TRPM4: variants seen among roughly 807,000 people sequenced by gnomAD.
TRPM4 encodes transient receptor potential cation channel subfamily M member 4, also known as calcium-activated non-selective cation channel 1.
In TRPM4, 124 loss-of-function variants were observed where a neutral mutation model predicts 135.6. That is an observed-to-expected ratio of 0.91 (90% CI 0.79 to 1.06). The LOEUF (loss-of-function observed/expected upper bound fraction) is 1.06, where lower values mean the gene tolerates loss of function less well. Ranked by LOEUF, TRPM4 falls within the 50% of genes least tolerant of loss-of-function variation. The probability of loss-of-function intolerance (pLI) is 0.00; values close to 1 mark genes in which losing one functional copy is unlikely to be tolerated. For missense variants in TRPM4, 1,658 were observed against 1,671.4 expected (o/e 0.99, Z 0.14); for synonymous variants, 745 against 705.6 (o/e 1.06, Z -0.88).
Position 49,203,030 on chromosome 19 carries a change from A to G in TRPM4, c.3131+889A>G, listed in dbSNP as rs550274149. 1.5e-3 allele frequency among the ~76,000 whole-genome samples: 235 copies of G among 151,844 alleles called. 1 individual carries two copies. The highest frequency in any genetic ancestry group is 5.5e-3 in the African/African-American group (227 of 41,410). ...CTCAGCCTCCTGAGTAGCTGGGACT[A>G]CAGGTGCCCGCCACCACGCCCAGCT... On this transcript the variant is annotated intron_variant, in intron 20 of 24. Transcript: ENST00000252826.
At chr19:49,196,914 C>T (rs751670642) in intron 17 of TRPM4, 40 bp downstream of exon 17, 2 of 1,532,724 alleles carry the variant, frequency 1.3e-6, no homozygotes, top group Non-Finnish European at 8.7e-7. Context: ...CCCCTGGCCA[C>T]CTCTCATCCT....
At chr19:49,203,343 C>T (rs548306405) in intron 20 of TRPM4, among the ~76,000 whole-genome samples, 2 of 150,040 alleles carry the variant, frequency 1.3e-5, no homozygotes, top group East Asian at 2.0e-4. Flanking sequence ...CCACACCTGG[C>T]TAATTTTTTG....
intron 17 of TRPM4, among the ~76,000 whole-genome samples, 194 bp from the exon 18 acceptor site, chr19:49,200,106 T>A (rs1968855992): frequency 6.6e-6 from 1 of 152,198 alleles, no homozygotes; most frequent in Non-Finnish European, 1.5e-5. Flanking sequence ...GCAGCCATTT[T>A]AAAAATGGGT....
chr19:49,162,652 T>C (rs762933477), intron 2 of TRPM4, among the ~76,000 whole-genome samples: 1 of 151,742 alleles, frequency 6.6e-6, no homozygotes, highest in East Asian at 1.9e-4. Context: ...CTCCTAGCAC[T>C]GAATGTCAGA....
At chr19:49,200,514 G>A in intron 18 of TRPM4, 82 bp downstream of exon 18, 2 of 1,594,674 alleles carry the variant, frequency 1.3e-6, no homozygotes, top group South Asian at 1.1e-5. Context: ...TGGAGAAGGG[G>A]CGTGACTTTG....
chr19:49,188,851 C>T, intron 13 of TRPM4, 81 bp downstream of exon 13: 1 of 1,612,666 alleles, frequency 6.2e-7, no homozygotes, highest in Non-Finnish European at 8.5e-7. Context: ...CCTCACATAT[C>T]CCTGCGCCAT....
rs1967320705 is a variant in TRPM4 at position 49,168,487 on chromosome 19, A to C, written c.612+64A>C. 9 of 1,613,416 alleles carry C rather than the reference A, an allele frequency of 5.6e-6. No individual in the cohort carries two copies. In the South Asian group the frequency reaches 9.9e-5, roughly 18 times the overall value. On this transcript the variant is annotated intron_variant, in intron 5 of 24. Coordinates refer to ENST00000252826, the MANE Select transcript of TRPM4 (RefSeq NM_017636.4). ...GGACTCCTGGGTCTGAGGGAGGAGG[A>C]GGGGCTCGTGTTTGTCCTTCTGGCC...
At chr19:49,181,496 A>C (rs756406714) in intron 10 of TRPM4, 35 bp downstream of exon 10, 18 of 1,410,664 alleles carry the variant, frequency 1.3e-5, no homozygotes, top group Non-Finnish European at 1.8e-5. Context: ...GGGCATACTG[A>C]CAAAGGGACT....
chr19:49,190,155 A>C, intron 14 of TRPM4, 53 bp from the exon 15 acceptor site: 1 of 1,496,218 alleles, frequency 6.7e-7, no homozygotes, highest in Non-Finnish European at 9.3e-7. Flanking sequence ...TGGGCGTCTT[A>C]GGGACGGGGC....
At chr19:49,190,185 C>T in intron 14 of TRPM4, 23 bp from the exon 15 acceptor site, 1 of 1,601,916 alleles carries the variant, frequency 6.2e-7, no homozygotes, top group Non-Finnish European at 8.6e-7. Context: ...GATTTGGATC[C>T]TAATCCTTCC....
At chr19:49,202,288 C>A in intron 20 of TRPM4, 147 bp downstream of exon 20, 1 of 940,670 alleles carries the variant, frequency 1.1e-6, no homozygotes, top group Non-Finnish European at 1.7e-6. Flanking sequence ...CCCAACCAGA[C>A]CCTGCTTGTA....
chr19:49,179,066 T>A (rs1476645593), intron 9 of TRPM4, among the ~76,000 whole-genome samples: 2 of 149,906 alleles, frequency 1.3e-5, no homozygotes, highest in African/African-American at 4.9e-5. Flanking sequence ...CCTATTATTA[T>A]TATTTTTGCA....
In TRPM4 at chr19:49,182,654, A is replaced by C; in HGVS notation, c.1340A>C (p.His447Pro). 1 of 1,614,020 alleles carries C rather than the reference A, an allele frequency of 6.2e-7. No homozygotes were observed. The highest frequency in any genetic ancestry group is 8.5e-7 in the Non-Finnish European group (1 of 1,179,988). ...GAGTTCGTGCGCTTGCTCATTTCCC[A>C]CGGCCTCAGCCTGGGCCACTTCCTG... ...RPEFVRLLIS[H>P]GLSLGHFLTP... The change falls in exon 11 of 25, where the codon CAC becomes CCC. Residue 447 changes from histidine (H) to proline (P), a missense_variant. Transcript: ENST00000252826.
chr19:49,203,414 T>A lies in TRPM4; in HGVS notation c.3131+1273T>A, dbSNP rs142273201. On this transcript the variant is annotated intron_variant, in intron 20 of 24. Coordinates refer to ENST00000252826, the MANE Select transcript of TRPM4 (RefSeq NM_017636.4). ...CAGGATGGTTTCGATCTCCTGACCT[T>A]GTGATCCGCCCGCCTTGGCCTCCCA... 2.1e-4 allele frequency among the ~76,000 whole-genome samples: 31 copies of A among 149,022 alleles called. No individual in the cohort carries two copies. In the South Asian group the frequency reaches 6.0e-3, roughly 29 times the overall value.
At chr19:49,163,847 G>A (rs989153507) in intron 2 of TRPM4, among the ~76,000 whole-genome samples, 1 of 152,192 alleles carries the variant, frequency 6.6e-6, no homozygotes, top group African/African-American at 2.4e-5. Context: ...AGTAGCTGCA[G>A]GGGAACTAGG....
intron 6 of TRPM4, 109 bp downstream of exon 6, chr19:49,168,845 T>A: frequency 8.5e-7 from 1 of 1,170,758 alleles, no homozygotes; most frequent in Non-Finnish European, 1.2e-6. Context: ...TACCTATGGT[T>A]AAGTGTCTTT....
intron 6 of TRPM4, among the ~76,000 whole-genome samples, chr19:49,170,839 T>A (rs1967425233): frequency 6.6e-6 from 1 of 152,140 alleles, no homozygotes; most frequent in Non-Finnish European, 1.5e-5. Flanking sequence ...CCCAGCACTT[T>A]GGGAGGCCAA....
At chr19:49,184,327 T>C (rs79515160) in intron 12 of TRPM4, among the ~76,000 whole-genome samples, 4 of 152,082 alleles carry the variant, frequency 2.6e-5, no homozygotes, top group Non-Finnish European at 5.9e-5. Flanking sequence ...TAGCTTCAAA[T>C]TCACTGATCT....
chr19:49,194,149 T>TTCTC (rs1968533067), intron 16 of TRPM4, among the ~76,000 whole-genome samples: 2 of 151,388 alleles, frequency 1.3e-5, no homozygotes, highest in East Asian at 3.9e-4. Context: ...CTCTTCCTCC[T>TTCTC]CTTCATCCTC....
Sources: allele counts gnomAD v4.1 joint callset (sites outside exome capture counted in the v4.1 genomes callset), GRCh38; gene constraint gnomAD v4.1.1; transcripts MANE v1.5; gene names NCBI Gene and HGNC (gene_info 2026-07-23, HGNC 2026-07-21).